The following BABAM2 variants were observed in gnomAD, a reference collection of about 807,000 sequenced individuals.
The protein encoded by BABAM2 is BRISC and BRCA1-A complex member 2.
In BABAM2, 31 loss-of-function variants were observed where a neutral mutation model predicts 54.7. That is an observed-to-expected ratio of 0.57 (90% confidence interval 0.43 to 0.77). The LOEUF is 0.77. Ranked by LOEUF, BABAM2 falls within the 30% of genes least tolerant of loss-of-function variation. BABAM2 has a pLI of 0.00. For synonymous variants in BABAM2, 167 were observed against 162.9 expected, an observed-to-expected ratio of 1.03 and a Z score of -0.19; for missense variants, 364 against 455.8, an observed-to-expected ratio of 0.80 and a Z score of 1.83.
Position 28,229,564 on chromosome 2 carries a change from A to G in BABAM2, c.681-7638A>G, listed in dbSNP as rs181306617. Among the ~76,000 whole-genome samples, 38 of 148,004 alleles carry G rather than the reference A, an allele frequency of 2.6e-4. 1 individual carries two copies. In the East Asian group the frequency reaches 6.4e-3, roughly 25 times the overall value. ...AGAGAACAGCTGATCAAAATTATCC[A>G]TATAGTAGTATGCCTTCTTTTTTTC... is the stretch of plus-strand genomic sequence containing the variant. On this transcript the variant is annotated intron_variant, in intron 7 of 11. Coordinates refer to ENST00000379624, the MANE Select transcript of BABAM2 (RefSeq NM_199191.3).
intron 7 of BABAM2, among the ~76,000 whole-genome samples, chr2:28,211,316 G>A (rs4528718): frequency 6.6e-6 from 1 of 151,018 alleles, no homozygotes; most frequent in African/African-American, 2.4e-5. Flanking sequence ...ATAATGGACC[G>A]CAGATAGTCA....
At chr2:28,137,967 G>A (rs987433922) in intron 7 of BABAM2, among the ~76,000 whole-genome samples, 3 of 152,132 alleles carry the variant, frequency 2.0e-5, no homozygotes, top group Non-Finnish European at 4.4e-5. Flanking sequence ...GCACCTTTCT[G>A]CAAAACATCT....
At chr2:27,891,087 C>T (rs1168442712) in intron 1 of BABAM2, 3 of 152,254 alleles carry the variant, frequency 2.0e-5, no homozygotes. Flanking sequence ...AGTATTAGTT[C>T]CTTGTTGCCT....
intron 7 of BABAM2, among the ~76,000 whole-genome samples, chr2:28,185,487 GA>G (rs1353104502): frequency 6.6e-6 from 1 of 152,206 alleles, no homozygotes; most frequent in Non-Finnish European, 1.5e-5. Context: ...TTTTGGAGCT[GA>G]CTTGGATTCC....
At chr2:28,309,931 G>A (rs1688924434) in intron 11 of BABAM2, 1 of 738,410 alleles carries the variant, frequency 1.4e-6, no homozygotes, top group African/African-American at 1.8e-5. Flanking sequence ...GCACGAGCAA[G>A]CTCACCCGTC....
At chr2:28,088,973 A>G (rs1466559536) in intron 6 of BABAM2, among the ~76,000 whole-genome samples, 1 of 152,112 alleles carries the variant, frequency 6.6e-6, no homozygotes, top group Non-Finnish European at 1.5e-5. Context: ...ATTGTATCCT[A>G]AGTCTCTAAA....
intron 1 of BABAM2, among the ~76,000 whole-genome samples, chr2:27,894,285 A>G (rs961646404): frequency 3.9e-5 from 6 of 152,108 alleles, no homozygotes; most frequent in Admixed American, 2.0e-4. Flanking sequence ...TTTGGGAAGG[A>G]AAAGGGAATT....
chr2:28,240,825 G>A (rs1484861082), intron 8 of BABAM2, among the ~76,000 whole-genome samples: 9 of 148,192 alleles, frequency 6.1e-5, no homozygotes, highest in Non-Finnish European at 1.0e-4. Flanking sequence ...AGCTAAGATC[G>A]CGCCATTGCA....
intron 7 of BABAM2, among the ~76,000 whole-genome samples, chr2:28,189,068 G>C (rs1160948297): frequency 1.3e-5 from 2 of 152,058 alleles, no homozygotes; most frequent in African/African-American, 2.4e-5. Flanking sequence ...GGGGATGGTG[G>C]TGCGTGCCTG....
intron 6 of BABAM2, among the ~76,000 whole-genome samples, chr2:28,125,020 G>A (rs1027538826): frequency 1.3e-5 from 2 of 152,072 alleles, no homozygotes; most frequent in Non-Finnish European, 2.9e-5. Flanking sequence ...AATGAACAAC[G>A]ACAACAAAGA....
At chr2:28,258,488 C>T (rs1026725359) in intron 10 of BABAM2, among the ~76,000 whole-genome samples, 1 of 151,974 alleles carries the variant, frequency 6.6e-6, no homozygotes, top group African/African-American at 2.4e-5. Context: ...ATAATAGTAC[C>T]TTATTGTGGC....
intron 6 of BABAM2, among the ~76,000 whole-genome samples, chr2:28,073,716 C>T (rs899801603): frequency 1.3e-5 from 2 of 151,900 alleles, no homozygotes; most frequent in Admixed American, 6.6e-5. Context: ...GTGGACTCAC[C>T]ACATCCTTTG....
intron 6 of BABAM2, among the ~76,000 whole-genome samples, chr2:28,052,049 G>A (rs1234773923): frequency 6.6e-6 from 1 of 152,180 alleles, no homozygotes; most frequent in Non-Finnish European, 1.5e-5. Context: ...GAGGATGATA[G>A]GGATGGTGAG....
At chr2:27,898,957 T>TAA (rs944907147) in intron 2 of BABAM2, among the ~76,000 whole-genome samples, 4 of 143,324 alleles carry the variant, frequency 2.8e-5, no homozygotes, top group Non-Finnish European at 1.5e-5. Context: ...AAGCTGTCAT[T>TAA]AAAAAAAAAA....
chr2:28,131,676 G>A (rs1291751605), intron 7 of BABAM2, among the ~76,000 whole-genome samples: 1 of 152,182 alleles, frequency 6.6e-6, no homozygotes, highest in Non-Finnish European at 1.5e-5. Flanking sequence ...GCAAGTAATA[G>A]CCATGAATAT....
chr2:27,984,446 A>G (rs1400337834), intron 3 of BABAM2, among the ~76,000 whole-genome samples: 3 of 152,062 alleles, frequency 2.0e-5, no homozygotes, highest in African/African-American at 4.8e-5. Context: ...TTTGAATTTT[A>G]TGATTTATCA....
intron 4 of BABAM2, among the ~76,000 whole-genome samples, chr2:28,015,431 T>C (rs1674728365): frequency 6.6e-6 from 1 of 152,200 alleles, no homozygotes; most frequent in South Asian, 2.1e-4. Flanking sequence ...AGATTCAATT[T>C]CTGTTGGTTT....
At chr2:28,059,525 A>G (rs1678695730) in intron 6 of BABAM2, among the ~76,000 whole-genome samples, 1 of 152,158 alleles carries the variant, frequency 6.6e-6, no homozygotes. Flanking sequence ...ACTTCATGAA[A>G]ATACTCTTTA....
At chr2:28,303,000 G>T (rs1277831350) in intron 11 of BABAM2, among the ~76,000 whole-genome samples, 1 of 151,938 alleles carries the variant, frequency 6.6e-6, no homozygotes, top group African/African-American at 2.4e-5. Context: ...CTTTCAATCT[G>T]TGGCTTGCCA....
Sources: gnomAD v4.1 joint callset for allele counts (sites outside exome capture counted in the v4.1 genomes callset) on GRCh38, gnomAD v4.1.1 for gene constraint, MANE v1.5 for transcripts, NCBI Gene and HGNC (gene_info 2026-07-23, HGNC 2026-07-21) for gene names.